Variants in STPG2 observed in about 807,000 individuals in gnomAD.
STPG2 encodes sperm-tail PG-rich repeat-containing protein 2.
STPG2 carries 56 observed loss-of-function variants against 54.2 expected under a neutral mutation model. That is an observed-to-expected ratio of 1.03 (90% CI 0.83 to 1.29). The LOEUF (loss-of-function observed/expected upper bound fraction) is 1.29. Among genes scored for constraint, STPG2 ranks in the 50% most tolerant of loss-of-function variants. The probability of loss-of-function intolerance (pLI) is 0.00; values close to 1 mark genes in which losing one functional copy is unlikely to be tolerated. For missense variants in STPG2, 596 were observed against 544.9 expected, an observed-to-expected ratio of 1.09 and a Z score of -0.93; for synonymous variants, 200 against 181.8, an observed-to-expected ratio of 1.10 and a Z score of -0.81.
rs183853405 is a variant in STPG2, at chr4:97,452,773, C to G, written c.462+259926G>C. 4.2e-3 allele frequency among the ~76,000 whole-genome samples: 640 copies of G among 152,244 alleles called. 3 individuals are homozygous for G. Among genetic ancestry groups the G allele is most frequent in the South Asian group, 0.02 (98 of 4,824 alleles). On this transcript the variant is annotated intron_variant, in intron 4 of 4. Transcript: ENST00000522676. ...TCCTCTCTGCTGAGAGTTGGGAAAA[C>G]AATGGGATGACCTGCCTGCAGAGAG... is the stretch of plus-strand genomic sequence containing the variant.
chr4:97,475,916 C>A (rs560788871), intron 4 of STPG2, among the ~76,000 whole-genome samples: 1 of 152,098 alleles, frequency 6.6e-6, no homozygotes, highest in Admixed American at 6.5e-5. Context: ...ATTTTGGTTT[C>A]TTTTTTCTTT....
In STPG2 at chr4:97,944,057, C is replaced by A. The variant is rs757414789; in HGVS notation, c.934-50G>T. 9 of 1,155,628 alleles carry A rather than the reference C, an allele frequency of 7.8e-6. No homozygotes were observed. In the Admixed American group the frequency reaches 1.7e-4, roughly 22 times the overall value. 71.6% of individuals were successfully genotyped at this position (1,155,628 alleles called of 1,614,324 possible). On this transcript the variant is annotated intron_variant, in intron 7 of 10. Transcript: ENST00000295268. ...AGTACATCATTTATTTTTATCAATA[C>A]AAGAGGCACTATAAATAATAAGTTT...
chr4:97,526,100 A>G (rs188984665), intron 4 of STPG2, among the ~76,000 whole-genome samples: 2 of 152,212 alleles, frequency 1.3e-5, no homozygotes, highest in Admixed American at 1.3e-4. Flanking sequence ...CTTAGCAGTA[A>G]GATTAGTTTC....
intron 8 of STPG2, among the ~76,000 whole-genome samples, chr4:97,905,643 TA>T (rs1172696402): frequency 6.6e-6 from 1 of 152,102 alleles, no homozygotes; most frequent in African/African-American, 2.4e-5. Flanking sequence ...AATGCTCCAT[TA>T]AAAGACACAG....
intron 7 of STPG2, among the ~76,000 whole-genome samples, chr4:97,957,111 G>GTGAAATATATA (rs199740476): frequency 0.35 from 46,080 of 131,614 alleles, 8,125 homozygotes; most frequent in Middle Eastern, 0.41. Flanking sequence ...AAATATACAT[G>GTGAAATATATA]TGAAATATAC....
At chr4:98,098,487 A>G (rs1253692479) in intron 5 of STPG2, among the ~76,000 whole-genome samples, 5 of 152,204 alleles carry the variant, frequency 3.3e-5, no homozygotes, top group African/African-American at 1.2e-4. Flanking sequence ...TGGATTGAAG[A>G]CTTAAATCTA....
chr4:98,092,458 G>C (rs1232551510), intron 5 of STPG2, among the ~76,000 whole-genome samples: 1 of 151,888 alleles, frequency 6.6e-6, no homozygotes, highest in Non-Finnish European at 1.5e-5. Flanking sequence ...CCAAGTGCCT[G>C]TTATAAAGCC....
intron 10 of STPG2, among the ~76,000 whole-genome samples, chr4:97,629,348 A>C (rs549401104): frequency 6.6e-6 from 1 of 152,186 alleles, no homozygotes; most frequent in East Asian, 1.9e-4. Context: ...TGCAGAAAAA[A>C]GTATCACTTT....
At chr4:97,451,401 A>AGAGAGGAGAGGAGAGGAGAG (rs951354911) in intron 4 of STPG2, among the ~76,000 whole-genome samples, 2 of 151,962 alleles carry the variant, frequency 1.3e-5, no homozygotes, top group Non-Finnish European at 2.9e-5. Flanking sequence ...GGAGGGGAGA[A>AGAGAGGAGAGGAGAGGAGAG]GAGAGGAGAG....
intron 5 of STPG2, among the ~76,000 whole-genome samples, chr4:98,025,202 T>C (rs1736373787): frequency 6.6e-6 from 1 of 152,226 alleles, no homozygotes; most frequent in Non-Finnish European, 1.5e-5. Context: ...TGGAAATGTA[T>C]ATCTCCTCGT....
At chr4:97,853,040 G>A (rs1168967007) in intron 8 of STPG2, among the ~76,000 whole-genome samples, 4 of 126,498 alleles carry the variant, frequency 3.2e-5, no homozygotes, top group Non-Finnish European at 6.3e-5. Flanking sequence ...GCAGTGGAGC[G>A]ATCTCGGCTC....
chr4:97,568,905 T>C (rs886658863), intron 10 of STPG2, among the ~76,000 whole-genome samples: 1 of 151,296 alleles, frequency 6.6e-6, no homozygotes, highest in South Asian at 2.1e-4. Flanking sequence ...GTTTTGTTTT[T>C]TTTTTTGTTT....
chr4:97,789,052 A>G (rs1726914361), intron 9 of STPG2, among the ~76,000 whole-genome samples: 1 of 151,958 alleles, frequency 6.6e-6, no homozygotes, highest in African/African-American at 2.4e-5. Context: ...TGATATGCAG[A>G]ATGGTACATG....
At chr4:97,925,348 A>G (rs1732293179) in intron 8 of STPG2, among the ~76,000 whole-genome samples, 1 of 152,234 alleles carries the variant, frequency 6.6e-6, no homozygotes, top group African/African-American at 2.4e-5. Flanking sequence ...TTGCTTATCA[A>G]ACCCATTTTC....
At chr4:97,616,090 A>ATATATATATATATATT (rs1733865641) in intron 10 of STPG2, among the ~76,000 whole-genome samples, 4 of 84,864 alleles carry the variant, frequency 4.7e-5, no homozygotes, top group African/African-American at 1.3e-4. Flanking sequence ...ATATATATAT[A>ATATATATATATATATT]TATATGTATG....
chr4:97,830,578 G>A (rs528499596), intron 9 of STPG2, among the ~76,000 whole-genome samples: 11 of 152,066 alleles, frequency 7.2e-5, no homozygotes, highest in Non-Finnish European at 1.3e-4. Flanking sequence ...ACACAGACTG[G>A]AAAAATGGAT....
At chr4:97,978,001 CT>C (rs1427148652) in intron 6 of STPG2, among the ~76,000 whole-genome samples, 17 of 152,100 alleles carry the variant, frequency 1.1e-4, no homozygotes, top group Non-Finnish European at 4.4e-5. Context: ...AAGAAAATAC[CT>C]AATGAACTGC....
At chr4:98,015,301 A>G (rs1340675541) in intron 5 of STPG2, among the ~76,000 whole-genome samples, 1 of 152,048 alleles carries the variant, frequency 6.6e-6, no homozygotes. Flanking sequence ...TTTTTGCAAT[A>G]TATCCATCTG....
At chr4:97,725,187 T>A (rs547619086) in intron 9 of STPG2, among the ~76,000 whole-genome samples, 34 of 152,012 alleles carry the variant, frequency 2.2e-4, no homozygotes, top group Non-Finnish European at 3.2e-4. Context: ...ACTAATAAAT[T>A]CATCTTAAAT....
Sources: allele counts gnomAD v4.1 joint callset (sites outside exome capture counted in the v4.1 genomes callset), GRCh38; gene constraint gnomAD v4.1.1; transcripts MANE v1.5; gene names NCBI Gene and HGNC (gene_info 2026-07-23, HGNC 2026-07-21).